Variants in DIS3L2 observed in about 807,000 individuals in gnomAD.
The protein encoded by DIS3L2 is DIS3 like 3'-5' exoribonuclease 2.
In DIS3L2, 34 loss-of-function variants were observed where a neutral mutation model predicts 97.5. The observed-to-expected ratio is 0.35, with a 90% confidence interval of 0.27 to 0.46. The LOEUF is 0.46. Ranked by LOEUF, DIS3L2 falls within the 20% of genes least tolerant of loss-of-function variation. The pLI, the probability that DIS3L2 is intolerant of heterozygous loss-of-function variation, is 1.00. For missense variants in DIS3L2, 1,038 were observed against 1,146.0 expected, an observed-to-expected ratio of 0.91 and a Z score of 1.36; for synonymous variants, 435 against 445.2, an observed-to-expected ratio of 0.98 and a Z score of 0.29.
chr2:232,086,513 G>A, intron 5 of DIS3L2, among the ~76,000 whole-genome samples: 1 of 145,542 alleles, frequency 6.9e-6, no homozygotes, highest in Non-Finnish European at 1.5e-5. Flanking sequence ...ATGGTTGATG[G>A]GAACCAAATC....
At chr2:232,339,972 G>T (rs1696068873), downstream of DIS3L2, among the ~76,000 whole-genome samples, 1 of 152,094 alleles carries the variant, frequency 6.6e-6, no homozygotes, top group Non-Finnish European at 1.5e-5. Flanking sequence ...GAGAGAGCAG[G>T]GTACACTTGC....
intron 1 of DIS3L2, among the ~76,000 whole-genome samples, chr2:232,004,195 C>T (rs961109701): frequency 2.0e-5 from 3 of 152,056 alleles, no homozygotes; most frequent in Non-Finnish European, 2.9e-5. Flanking sequence ...GCCTCACCCT[C>T]CCAAGTAGCT....
At chr2:232,028,020 A>G (rs1303557478) in intron 4 of DIS3L2, among the ~76,000 whole-genome samples, 1 of 152,140 alleles carries the variant, frequency 6.6e-6, no homozygotes, top group Non-Finnish European at 1.5e-5. Flanking sequence ...TTTTTAATGC[A>G]TCGTGTCATA....
At chr2:232,331,954 C>G (rs529918387) in intron 16 of DIS3L2, 1 of 152,290 alleles carries the variant, frequency 6.6e-6, no homozygotes, top group Non-Finnish European at 1.5e-5. Flanking sequence ...TCCTCAGCCC[C>G]GGGAACTGGG....
At chr2:232,081,494 T>TTC (rs1385207064) in intron 5 of DIS3L2, among the ~76,000 whole-genome samples, 1 of 152,172 alleles carries the variant, frequency 6.6e-6, no homozygotes, top group African/African-American at 2.4e-5. Flanking sequence ...GCCTTTTTTT[T>TTC]TTTCTTTCTT....
intron 1 of DIS3L2, among the ~76,000 whole-genome samples, chr2:231,966,641 A>ATTTTTTTTTTTTTTTTTTTT (rs36151054): frequency 6.0e-5 from 3 of 50,358 alleles, no homozygotes; most frequent in Non-Finnish European, 7.2e-5. Flanking sequence ...GTTAAAAAAC[A>ATTTTTTTTTTTTTTTTTTTT]TTTTTTTTTT....
At chr2:232,119,328 G>T (rs1697823440) in intron 6 of DIS3L2, among the ~76,000 whole-genome samples, 1 of 152,254 alleles carries the variant, frequency 6.6e-6, no homozygotes, top group Non-Finnish European at 1.5e-5. Context: ...TTAGAAGACG[G>T]GTAGAGAAAC....
At chr2:232,108,914 A>C (rs944892488) in intron 6 of DIS3L2, among the ~76,000 whole-genome samples, 7 of 152,242 alleles carry the variant, frequency 4.6e-5, no homozygotes, top group African/African-American at 1.7e-4. Flanking sequence ...GAGATGACGC[A>C]AACAAAGGGA....
intron 13 of DIS3L2, among the ~76,000 whole-genome samples, chr2:232,273,591 C>G (rs1398942985): frequency 2.0e-5 from 3 of 152,190 alleles, no homozygotes; most frequent in Non-Finnish European, 4.4e-5. Flanking sequence ...TGAGGACTTT[C>G]TCAAGGTGGA....
At chr2:232,313,194 A>G (rs1010767627) in intron 14 of DIS3L2, among the ~76,000 whole-genome samples, 2 of 152,176 alleles carry the variant, frequency 1.3e-5, no homozygotes, top group South Asian at 4.1e-4. Flanking sequence ...TTTTACCACA[A>G]ACTCACTCTT....
intron 6 of DIS3L2, among the ~76,000 whole-genome samples, chr2:232,118,515 C>T (rs1284725317): frequency 6.6e-6 from 1 of 152,074 alleles, no homozygotes; most frequent in South Asian, 2.1e-4. Context: ...CTCATGTAAC[C>T]GTTTTTGCTC....
intron 3 of DIS3L2, among the ~76,000 whole-genome samples, chr2:232,021,800 C>T (rs879679672): frequency 3.3e-5 from 5 of 152,070 alleles, no homozygotes; most frequent in Non-Finnish European, 7.4e-5. Context: ...GCAAAGAGAC[C>T]TTCCTCCCTT....
intron 11 of DIS3L2, 123 bp downstream of exon 11, chr2:232,238,768 T>A: frequency 4.8e-6 from 4 of 831,108 alleles, no homozygotes; most frequent in South Asian, 1.8e-5. Flanking sequence ...GACACAGGTG[T>A]TCATCTGAGG....
chr2:232,078,173 A>G (rs1438912924), intron 5 of DIS3L2, among the ~76,000 whole-genome samples: 3 of 151,574 alleles, frequency 2.0e-5, no homozygotes, highest in Admixed American at 1.3e-4. Flanking sequence ...CCTCCTGAGT[A>G]GCTGGGACTA....
chr2:232,311,597 A>G (rs868816980), intron 14 of DIS3L2, among the ~76,000 whole-genome samples: 4 of 152,286 alleles, frequency 2.6e-5, no homozygotes, highest in East Asian at 1.9e-4. Flanking sequence ...AGAACATTAC[A>G]GCTTCCAGGA....
intron 9 of DIS3L2, among the ~76,000 whole-genome samples, chr2:232,164,456 A>G (rs1281983922): frequency 6.6e-6 from 1 of 152,156 alleles, no homozygotes. Context: ...CATACAACCC[A>G]CTGAGGCTGT....
intron 14 of DIS3L2, among the ~76,000 whole-genome samples, chr2:232,305,029 A>G (rs1014966912): frequency 6.6e-6 from 1 of 152,256 alleles, no homozygotes; most frequent in Non-Finnish European, 1.5e-5. Context: ...GCAGTTTACT[A>G]TCGGCTGCTT....
intron 13 of DIS3L2, among the ~76,000 whole-genome samples, chr2:232,265,322 A>G (rs190341305): frequency 6.6e-6 from 1 of 152,238 alleles, no homozygotes; most frequent in African/African-American, 2.4e-5. Context: ...TTCTTTCTGT[A>G]TCCATACTCC....
At chr2:232,085,878 C>G (rs1285750904) in intron 5 of DIS3L2, among the ~76,000 whole-genome samples, 2 of 152,062 alleles carry the variant, frequency 1.3e-5, no homozygotes, top group East Asian at 3.9e-4. Context: ...GTGATCATAG[C>G]TTACTGTAAC....
Sources: allele counts gnomAD v4.1 joint callset (sites outside exome capture counted in the v4.1 genomes callset), GRCh38; gene constraint gnomAD v4.1.1; transcripts MANE v1.5; gene names NCBI Gene and HGNC (gene_info 2026-07-23, HGNC 2026-07-21).